ALLC: variants seen among roughly 807,000 people sequenced by gnomAD.
The protein encoded by ALLC is probable inactive allantoicase.
In ALLC, 40 loss-of-function variants were observed where a neutral mutation model predicts 45.0. The observed-to-expected ratio is 0.89, with a 90% CI of 0.69 to 1.16. The LOEUF (loss-of-function observed/expected upper bound fraction) is 1.16, where lower values mean the gene tolerates loss of function less well. ALLC is among the 50% of genes most tolerant of loss of function. The pLI, the probability that ALLC is intolerant of heterozygous loss-of-function variation, is 0.00. For missense variants in ALLC, 488 were observed against 493.1 expected, an observed-to-expected ratio of 0.99 and a Z score of 0.10; for synonymous variants, 176 against 178.1, an observed-to-expected ratio of 0.99 and a Z score of 0.09.
intron 1 of ALLC, 127 bp from the exon 2 acceptor site, chr2:3,670,969 G>T: frequency 1.6e-6 from 1 of 612,324 alleles, no homozygotes; most frequent in Admixed American, 2.8e-5. Flanking sequence ...AGGTACAGTT[G>T]ACAGTACATC....
intron 7 of ALLC, among the ~76,000 whole-genome samples, chr2:3,690,259 CT>C (rs1667445193): frequency 5.1e-5 from 1 of 19,688 alleles, no homozygotes; most frequent in Non-Finnish European, 9.1e-5. Context: ...CTTCCCTTCC[CT>C]TCCCTCCCCC....
In ALLC at chr2:3,702,477, C is replaced by T. The variant is rs372069009; in HGVS notation, c.1090C>T (p.Arg364Trp). 23 of 1,612,264 alleles carry T rather than the reference C, an allele frequency of 1.4e-5. No individual in the cohort carries two copies. Among genetic ancestry groups the T allele is most frequent in the African/African-American group, 4.0e-5 (3 of 74,860 alleles). ...PDGGVSRLRLRGFPSSICLLR... is the reference protein window; with the variant it reads ...PDGGVSRLRLWGFPSSICLLR... The stretch of plus-strand genomic sequence containing the variant: ...CGGGGGAGTGAGCCGCCTTCGGCTC[C>T]GGGGCTTCCCCAGCTCCATCTGCCT... Residue 364 changes from arginine to tryptophan, a missense_variant, in exon 12 of 12, where the codon CGG (arginine) becomes TGG (tryptophan). Arg to Trp is a moderately radical substitution (Grantham distance 101). Transcript: ENST00000252505.
chr2:3,672,878 C>A (rs1341334520), intron 2 of ALLC, among the ~76,000 whole-genome samples: 1 of 152,248 alleles, frequency 6.6e-6, no homozygotes, highest in African/African-American at 2.4e-5. Flanking sequence ...CGCTGGGGTG[C>A]AGGCTGTGCT....
At chr2:3,660,744 G>A (rs1666552183) in intron 1 of ALLC, among the ~76,000 whole-genome samples, 2 of 152,076 alleles carry the variant, frequency 1.3e-5, no homozygotes, top group Admixed American at 6.6e-5. Flanking sequence ...TAAAGAGAGT[G>A]ATGGGGTGAG....
intron 2 of ALLC, among the ~76,000 whole-genome samples, chr2:3,673,171 A>C (rs1666937919): frequency 6.6e-6 from 1 of 152,188 alleles, no homozygotes; most frequent in Non-Finnish European, 1.5e-5. Context: ...CTGCGAGGAG[A>C]GCAAGGGAGC....
chr2:3,677,078 G>A (rs984492436), intron 3 of ALLC, among the ~76,000 whole-genome samples: 41 of 152,234 alleles, frequency 2.7e-4, no homozygotes, highest in African/African-American at 9.6e-4. Context: ...GTAAGCCACC[G>A]CACCTGACTA....
intron 7 of ALLC, among the ~76,000 whole-genome samples, chr2:3,685,486 A>T (rs1214679079): frequency 6.6e-6 from 1 of 150,708 alleles, no homozygotes; most frequent in East Asian, 2.0e-4. Flanking sequence ...ACAGAGAGAG[A>T]CAGAGAAAGG....
chr2:3,676,918 G>C (rs1002308313), intron 3 of ALLC, among the ~76,000 whole-genome samples: 2 of 151,988 alleles, frequency 1.3e-5, no homozygotes, highest in Non-Finnish European at 2.9e-5. Context: ...CTCCCAAGTA[G>C]CTGGGACTAC....
intron 3 of ALLC, 43 bp downstream of exon 3, chr2:3,674,168 A>C (rs1394990201): frequency 5.0e-6 from 7 of 1,392,798 alleles, no homozygotes; most frequent in Non-Finnish European, 7.0e-6. Flanking sequence ...GTTGATGTAG[A>C]GAAATCTATG....
At chr2:3,651,735 C>G in the ALLC span, among the ~76,000 whole-genome samples, 1 of 152,134 alleles carries the variant, frequency 6.6e-6, no homozygotes, top group Non-Finnish European at 1.5e-5. Context: ...AGGCGGGAAA[C>G]ATGCCCGGCG....
intron 6 of ALLC, among the ~76,000 whole-genome samples, chr2:3,682,050 G>A (rs545159158): frequency 3.3e-5 from 5 of 151,990 alleles, no homozygotes; most frequent in Non-Finnish European, 7.4e-5. Context: ...TTTGTGTTTG[G>A]AGAATTTAAT....
At position 3,678,446 on chromosome 2, in the gene ALLC, CTTG is replaced by C. The variant is rs780735056; in HGVS notation, c.85-17_85-15del. ...AGATCACATGAATGTTAATGATCACCTTGTTGTGGTCTTTGCCCTAGAGTGACA... is the reference window on the plus strand; with the variant it reads ...AGATCACATGAATGTTAATGATCACCTTGTGGTCTTTGCCCTAGAGTGACA... On this transcript the variant is annotated intron_variant, in intron 3 of 11. Coordinates refer to ENST00000252505, the MANE Select transcript of ALLC (RefSeq NM_018436.4). 10 of 1,596,436 alleles carry C rather than the reference CTTG, an allele frequency of 6.3e-6. No individual in the cohort carries two copies. In the East Asian group the frequency reaches 2.2e-4, roughly 36 times the overall value.
the ALLC span, among the ~76,000 whole-genome samples, chr2:3,652,296 C>T: frequency 6.6e-6 from 1 of 152,238 alleles, no homozygotes; most frequent in African/African-American, 2.4e-5. Flanking sequence ...TGTGCAGAGC[C>T]TGGGGGCCGG....
At chr2:3,684,095 T>A (rs554896639) in intron 7 of ALLC, among the ~76,000 whole-genome samples, 1 of 152,354 alleles carries the variant, frequency 6.6e-6, no homozygotes, top group African/African-American at 2.4e-5. Flanking sequence ...TTTCTTTTGT[T>A]GAGTGTATGC....
chr2:3,700,863 T>G (rs896876816), intron 10 of ALLC, among the ~76,000 whole-genome samples: 14 of 152,128 alleles, frequency 9.2e-5, no homozygotes, highest in African/African-American at 3.4e-4. Context: ...GATTAGCAGC[T>G]CCTCCTCTGT....
At chr2:3,696,000 T>C (rs1437520971) in intron 8 of ALLC, 128 bp downstream of exon 8, 4 of 1,050,500 alleles carry the variant, frequency 3.8e-6, no homozygotes, top group Non-Finnish European at 5.4e-6. Flanking sequence ...GAGATTAATC[T>C]TCCATGTGTA....
At chr2:3,694,126 A>G (rs1667595300) in intron 7 of ALLC, among the ~76,000 whole-genome samples, 1 of 152,236 alleles carries the variant, frequency 6.6e-6, no homozygotes, top group Non-Finnish European at 1.5e-5. Context: ...GTCCAACCCA[A>G]TTTGTACAGG....
Position 3,695,646 on chromosome 2 carries a change from AGGGTCCTGTAGTG to A in ALLC, c.512-70_512-58del, listed in dbSNP as rs935599161. The A allele has an allele frequency of 6.6e-5, 103 of 1,562,626 alleles. 1 individual carries two copies. The African/African-American group carries it at 1.2e-3, about 19-fold the overall frequency. On this transcript the variant is annotated intron_variant, in intron 7 of 11. Coordinates refer to ENST00000252505, the MANE Select transcript of ALLC (RefSeq NM_018436.4). The stretch of plus-strand genomic sequence containing the variant: ...AAGAGATGACACTGGAGAAGACAGG[AGGGTCCTGTAGTG>A]TATGATACACAAGCAGCCATTTTTA...
At chr2:3,651,427 GTGTGTGTGTGTGTGTT>G in the ALLC span, among the ~76,000 whole-genome samples, 1 of 59,398 alleles carries the variant, frequency 1.7e-5, no homozygotes, top group Non-Finnish European at 3.9e-5. Flanking sequence ...GTGTGTGTGT[GTGTGTGTGTGTGTGTT>G]AGGAAGGGAG....
Sources: gnomAD v4.1 joint callset for allele counts (sites outside exome capture counted in the v4.1 genomes callset) on GRCh38, gnomAD v4.1.1 for gene constraint, MANE v1.5 for transcripts, NCBI Gene and HGNC (gene_info 2026-07-23, HGNC 2026-07-21) for gene names.